The following PCDHA5 variants were observed in gnomAD, a reference collection of about 807,000 sequenced individuals.
The protein encoded by PCDHA5 is protocadherin alpha 5.
PCDHA5 carries 43 observed loss-of-function variants against 61.6 expected under a neutral mutation model. The ratio of observed to expected loss-of-function variants is 0.70; its 90% CI spans 0.55 to 0.90. The LOEUF (loss-of-function observed/expected upper bound fraction) is 0.90, where lower values mean the gene tolerates loss of function less well. PCDHA5 is among the 40% of genes least tolerant of loss of function. The probability of loss-of-function intolerance (pLI) is 0.00; values close to 1 mark genes in which losing one functional copy is unlikely to be tolerated. For missense variants in PCDHA5, 1,298 were observed against 1,222.7 expected (o/e 1.06, Z -0.92); for synonymous variants, 627 against 543.9 (o/e 1.15, Z -2.13).
chr5:140,995,581 G>A (rs1268400169), intron 3 of PCDHA5, among the ~76,000 whole-genome samples: 6 of 152,292 alleles, frequency 3.9e-5, no homozygotes, highest in Admixed American at 2.0e-4. Context: ...TGAGCTATGA[G>A]CTTTTAACTT....
chr5:141,003,254 G>A (rs782245010), intron 3 of PCDHA5, among the ~76,000 whole-genome samples: 17 of 152,190 alleles, frequency 1.1e-4, no homozygotes, highest in Non-Finnish European at 2.1e-4. Flanking sequence ...AAGATTCCTG[G>A]GCAGTGCCTA....
intron 1 of PCDHA5, among the ~76,000 whole-genome samples, chr5:140,839,552 A>G (rs2150298794): frequency 0.059 from 9,014 of 151,912 alleles, 957 homozygotes; most frequent in African/African-American, 0.21. Flanking sequence ...ACCATGCCCA[A>G]CTAATTTTTG....
intron 1 of PCDHA5, chr5:140,830,007 A>T: frequency 6.2e-7 from 1 of 1,613,948 alleles, no homozygotes; most frequent in Non-Finnish European, 8.5e-7. Context: ...GTCCTGGACG[A>T]AGCGGACTCT....
chr5:140,935,736 A>G (rs2090532745), intron 1 of PCDHA5, among the ~76,000 whole-genome samples: 1 of 152,190 alleles, frequency 6.6e-6, no homozygotes, highest in Admixed American at 6.5e-5. Flanking sequence ...TCTAGTATCT[A>G]TTATTCCATA....
intron 1 of PCDHA5, chr5:140,859,549 C>A (rs958434264): frequency 5.0e-5 from 9 of 181,676 alleles, no homozygotes; most frequent in Non-Finnish European, 9.0e-5. Context: ...CTAGTGTTAC[C>A]AAACACCAAT....
intron 1 of PCDHA5, chr5:140,847,418 T>C (rs1171051220): frequency 6.7e-6 from 1 of 149,686 alleles, no homozygotes; most frequent in Non-Finnish European, 1.5e-5. Context: ...CTCACGGTTT[T>C]GCCTTTAGAC....
At chr5:140,927,903 C>T in intron 1 of PCDHA5, 1 of 1,614,158 alleles carries the variant, frequency 6.2e-7, no homozygotes, top group South Asian at 1.1e-5. Flanking sequence ...ACGATCATGC[C>T]CCCGAACTGG....
intron 1 of PCDHA5, among the ~76,000 whole-genome samples, chr5:140,941,202 C>CCTTTCTTCCTTTCTTTTTCTTT (rs1394736170): frequency 8.1e-6 from 1 of 122,742 alleles, no homozygotes; most frequent in African/African-American, 3.0e-5. Flanking sequence ...TTTCTTTCTT[C>CCTTTCTTCCTTTCTTTTTCTTT]CTTTCTTTCT....
chr5:140,871,535 G>T (rs577559822), intron 1 of PCDHA5: 2 of 1,514,054 alleles, frequency 1.3e-6, no homozygotes, highest in Admixed American at 4.8e-5. Flanking sequence ...AAGTGTATGT[G>T]AAATTATTTA....
chr5:140,843,757 G>A, intron 1 of PCDHA5: 1 of 1,504,904 alleles, frequency 6.6e-7, no homozygotes, highest in Non-Finnish European at 9.1e-7. Context: ...TCTATTTGTG[G>A]AAATTGTAGT....
rs1297383367 is a variant in PCDHA5 at position 140,898,744 on chromosome 5, G to T, written c.2352+74617G>T. ...CTGTGAAGAAAGTCATTGGTAGCTT[G>T]ATGGGGATGGCATTGAATCTGTAAA... is the stretch of plus-strand genomic sequence containing the variant. On this transcript the variant is annotated intron_variant, in intron 1 of 3. Coordinates refer to ENST00000529859, the MANE Select transcript of PCDHA5 (RefSeq NM_018908.3). 1.1e-4 allele frequency among the ~76,000 whole-genome samples: 17 copies of T among 152,248 alleles called. 2 individuals are homozygous for T. Among genetic ancestry groups the T allele is most frequent in the East Asian group, 7.7e-4 (4 of 5,188 alleles).
chr5:140,940,510 G>T (rs1477590604), intron 1 of PCDHA5, among the ~76,000 whole-genome samples: 1 of 151,778 alleles, frequency 6.6e-6, no homozygotes, highest in Non-Finnish European at 1.5e-5. Context: ...TCGCTCAGGC[G>T]TGATCATAGC....
At chr5:140,842,777 G>T (rs2150343988) in intron 1 of PCDHA5, 1 of 1,594,618 alleles carries the variant, frequency 6.3e-7, no homozygotes, top group Non-Finnish European at 8.6e-7. Flanking sequence ...GGACGCGCAG[G>T]AGAACGCGCT....
intron 1 of PCDHA5, chr5:140,927,991 G>T: frequency 6.2e-7 from 1 of 1,614,202 alleles, no homozygotes; most frequent in Non-Finnish European, 8.5e-7. Flanking sequence ...TGTAAAGGAT[G>T]AAGACCTCGA....
At chr5:141,001,451 A>T (rs2098018648) in intron 3 of PCDHA5, among the ~76,000 whole-genome samples, 1 of 152,310 alleles carries the variant, frequency 6.6e-6, no homozygotes, top group African/African-American at 2.4e-5. Flanking sequence ...TTCCACTGTC[A>T]ATTGAAGGAC....
chr5:140,969,314 G>A (rs200006206), intron 1 of PCDHA5: 2 of 1,614,032 alleles, frequency 1.2e-6, no homozygotes, highest in Non-Finnish European at 1.7e-6. Context: ...CAAAAATGAG[G>A]CTGTTTCTCA....
At chr5:140,829,843 A>T in intron 1 of PCDHA5, 1 of 1,613,926 alleles carries the variant, frequency 6.2e-7, no homozygotes, top group Non-Finnish European at 8.5e-7. Flanking sequence ...TGCCGCGGTC[A>T]CTGGGTGCAG....
In PCDHA5 at chr5:140,977,177, T is replaced by G. The variant is rs139020033; in HGVS notation, c.2353-1772T>G. On this transcript the variant is annotated intron_variant, in intron 1 of 3. Coordinates refer to ENST00000529859, the MANE Select transcript of PCDHA5 (RefSeq NM_018908.3). ...CCTTTCAGCAAAATGAGTTTGATGA[T>G]TTCATTCCAAAGATCAAGTTGCAGC... 6.8e-3 allele frequency among the ~76,000 whole-genome samples: 1,032 copies of G among 152,274 alleles called. 9 individuals are homozygous for G. Among genetic ancestry groups the G allele is most frequent in the African/African-American group, 0.023 (966 of 41,542 alleles).
In PCDHA5 at chr5:140,857,981, C is replaced by T. The variant is rs377577023; in HGVS notation, c.2352+33854C>T. The T allele has an allele frequency of 2.5e-6, 4 of 1,596,862 alleles. 1 individual carries two copies. The highest frequency in any genetic ancestry group is 3.4e-6 in the Non-Finnish European group (4 of 1,167,208). The stretch of plus-strand genomic sequence containing the variant: ...GGATGAGACTGACTCGCCACGCCAG[C>T]GCCTACTGGTGCTGGTGAAGGACCA... On this transcript the variant is annotated intron_variant, in intron 1 of 3. Transcript: ENST00000529859.
Sources: gnomAD v4.1 joint callset for allele counts (sites outside exome capture counted in the v4.1 genomes callset) on GRCh38, gnomAD v4.1.1 for gene constraint, MANE v1.5 for transcripts, NCBI Gene and HGNC (gene_info 2026-07-23, HGNC 2026-07-21) for gene names.